DHRS4L2: variants seen among roughly 807,000 people sequenced by gnomAD.
DHRS4L2 encodes the protein dehydrogenase/reductase SDR family member 4-like 2.
In DHRS4L2, 22 loss-of-function variants were observed where a neutral mutation model predicts 23.9. The ratio of observed to expected loss-of-function variants is 0.92; its 90% CI spans 0.66 to 1.31. The LOEUF is 1.31. Among genes scored for constraint, DHRS4L2 ranks in the 40% most tolerant of loss-of-function variants. The probability of loss-of-function intolerance (pLI) is 0.00; values close to 1 mark genes in which losing one functional copy is unlikely to be tolerated. For missense variants in DHRS4L2, 385 were observed against 303.3 expected, an observed-to-expected ratio of 1.27 and a Z score of -2.00; for synonymous variants, 141 against 123.7, an observed-to-expected ratio of 1.14 and a Z score of -0.93.
intron 1 of DHRS4L2, among the ~76,000 whole-genome samples, chr14:23,974,592 A>G (rs1169855743): frequency 6.6e-6 from 1 of 151,822 alleles, no homozygotes; most frequent in Non-Finnish European, 1.5e-5. Context: ...ACAGAAATAC[A>G]CACTACCATC....
upstream of DHRS4L2, among the ~76,000 whole-genome samples, chr14:23,986,295 G>A (rs540032390): frequency 6.6e-6 from 1 of 151,344 alleles, no homozygotes; most frequent in South Asian, 2.1e-4. Context: ...ACTCATAGGT[G>A]GGAATTGAAC....
At chr14:23,995,550 T>C (rs986655865) in intron 3 of DHRS4L2, among the ~76,000 whole-genome samples, 3 of 151,748 alleles carry the variant, frequency 2.0e-5, no homozygotes, top group Non-Finnish European at 4.4e-5. Flanking sequence ...TGCTGCTAGT[T>C]ATTTAAAATA....
chr14:24,002,137 C>T (rs1170339858), intron 6 of DHRS4L2, among the ~76,000 whole-genome samples: 21 of 98,480 alleles, frequency 2.1e-4, no homozygotes, highest in South Asian at 1.2e-3. Flanking sequence ...CCCACTCCCC[C>T]GACCCCACCA....
At chr14:23,986,289 A>G (rs947193164), upstream of DHRS4L2, among the ~76,000 whole-genome samples, 2 of 151,174 alleles carry the variant, frequency 1.3e-5, no homozygotes, top group African/African-American at 4.9e-5. Flanking sequence ...GTTCTCACTC[A>G]TAGGTGGGAA....
rs1315647739 is a variant in DHRS4L2, at chr14:23,990,330, G to A, written c.277G>A (p.Ala93Thr). ...GGGCACTGTGTGCCATGTGGGGAAG[G>A]CGGAGGACCGGGAGCGGCTGGTGGC... ...VTGTVCHVGK[A>T]EDRERLVAMA... Residue 93 changes from alanine to threonine, a missense_variant, in exon 2 of 8, where the codon GCG becomes ACG. Transcript: ENST00000335125. 12 of 1,611,892 alleles carry A rather than the reference G, an allele frequency of 7.4e-6. No individual in the cohort carries two copies. Among genetic ancestry groups the A allele is most frequent in the Non-Finnish European group, 1.0e-5 (12 of 1,178,946 alleles).
intron 1 of DHRS4L2, among the ~76,000 whole-genome samples, chr14:23,973,064 T>C (rs10151167): frequency 0.52 from 78,989 of 151,590 alleles, 25,511 homozygotes; most frequent in African/African-American, 0.88. Flanking sequence ...TTAGTTCCCA[T>C]GGGCAGGCAG....
upstream of DHRS4L2, among the ~76,000 whole-genome samples, chr14:23,984,249 G>C (rs1028677): frequency 0.094 from 14,218 of 151,506 alleles, 967 homozygotes; most frequent in East Asian, 0.24. Context: ...CCATAGGGAA[G>C]AGTTACCTTT....
exon 1 of DHRS4L2, chr14:23,970,035 TGCTCCACAGCGGTGTGGGTGGCGGCG>T (rs2033814791): frequency 2.2e-6 from 1 of 456,222 alleles, no homozygotes; most frequent in Non-Finnish European, 4.4e-6. Flanking sequence ...CATGTGCGGC[TGCTCCACAGCGGTGTGGGTGGCGGCG>T]GCTCCTCTGC....
intron 1 of DHRS4L2, among the ~76,000 whole-genome samples, chr14:23,973,278 G>T (rs2033899774): frequency 6.6e-6 from 1 of 152,018 alleles, no homozygotes; most frequent in Admixed American, 6.5e-5. Context: ...GCTTTCTGCA[G>T]TGCATTGTGC....
chr14:23,986,507 TA>T (rs33932387), upstream of DHRS4L2, among the ~76,000 whole-genome samples: 46,177 of 133,510 alleles, frequency 0.35, 7,804 homozygotes, highest in East Asian at 0.5. Flanking sequence ...TAAAGTATAA[TA>T]AAAAAAAAAA....
At chr14:23,985,654 C>T (rs1049057605), upstream of DHRS4L2, among the ~76,000 whole-genome samples, 8 of 151,668 alleles carry the variant, frequency 5.3e-5, no homozygotes, top group Admixed American at 3.9e-4. Flanking sequence ...TTACAGTTCC[C>T]ATTTCAGAGA....
chr14:23,979,023 C>T (rs2034014277), intron 1 of DHRS4L2, among the ~76,000 whole-genome samples: 1 of 141,034 alleles, frequency 7.1e-6, no homozygotes, highest in Non-Finnish European at 1.5e-5. Flanking sequence ...AGAGTCAAGA[C>T]CCATCATTGT....
Position 24,004,317 on chromosome 14 carries a change from G to GATTTCCCT in DHRS4L2, c.666-19_666-12dup, listed in dbSNP as rs2034531436. On this transcript the variant is annotated intron_variant, in intron 6 of 7. Transcript: ENST00000335125. ...AGGAAAAGAAAAAAAAACATAAAGA[G>GATTTCCCT]ATTTCCCTTCTTCCTACAGCTCTGG... The GATTTCCCT allele has an allele frequency of 1.9e-6, 3 of 1,556,944 alleles. No homozygotes were observed. The highest frequency in any genetic ancestry group is 2.6e-6 in the Non-Finnish European group (3 of 1,156,488).
chr14:23,995,803 T>C (rs1332620700), intron 3 of DHRS4L2, among the ~76,000 whole-genome samples: 1 of 151,800 alleles, frequency 6.6e-6, no homozygotes, highest in Non-Finnish European at 1.5e-5. Context: ...TCTTTGTTTA[T>C]TAAGGTTAAT....
chr14:23,989,769 T>C lies in DHRS4L2; in HGVS notation c.129-413T>C, dbSNP rs778824816. On this transcript the variant is annotated intron_variant, in intron 1 of 7. Transcript: ENST00000335125. ...ATCTTTTCACATGCACCCCAAAAAA[T>C]AATTATGGAAAGAATTTTGAGAATG... Among the ~76,000 whole-genome samples, 44 of 151,870 alleles carry C rather than the reference T, an allele frequency of 2.9e-4. 4 individuals are homozygous for C. The highest frequency in any genetic ancestry group is 6.8e-3 in the Middle Eastern group (2 of 294).
chr14:23,988,850 G>GGGCA (rs1424294440), upstream of DHRS4L2: 3 of 1,491,476 alleles, frequency 2.0e-6, no homozygotes, highest in Non-Finnish European at 2.7e-6. Flanking sequence ...GGCGGGAAGG[G>GGGCA]GGCAGGCAGG....
Position 24,006,192 on chromosome 14 carries a change from G to A in DHRS4L2, c.*329G>A, listed in dbSNP as rs2034575699. ...ACTCGGGATTCCTGCTGTTGTTGTGGCCTTGGGTAAAGGCCTCCCCTGAGA... is the reference window on the plus strand; with the variant it reads ...ACTCGGGATTCCTGCTGTTGTTGTGACCTTGGGTAAAGGCCTCCCCTGAGA... On this transcript the variant is annotated 3_prime_UTR_variant, in exon 8 of 8. Coordinates refer to ENST00000335125, the MANE Select transcript of DHRS4L2 (RefSeq NM_198083.4). 3 of 1,229,838 alleles carry A rather than the reference G, an allele frequency of 2.4e-6. No homozygotes were observed. The allele number at this position is 1,229,838 out of a possible 1,614,324, so 76.2% of individuals were successfully genotyped here. A position where few individuals can be genotyped will look rare whatever the true frequency, so the allele number is the denominator to read the frequency against.
At chr14:23,988,887 C>CT, upstream of DHRS4L2, 1 of 1,590,774 alleles carries the variant, frequency 6.3e-7, no homozygotes. Flanking sequence ...CGTCCTGCCC[C>CT]TTCGCCCTAC....
chr14:23,988,936 C>T lies in DHRS4L2; in HGVS notation c.-12C>T. On this transcript the variant is annotated 5_prime_UTR_variant, in exon 1 of 8. Coordinates refer to ENST00000335125, the MANE Select transcript of DHRS4L2 (RefSeq NM_198083.4). ...CTGGAAGGAGTGGAACCCAGACTTG[C>T]TGGTCTGATCCATGCAGATGGCCAG... is the stretch of plus-strand genomic sequence containing the variant. The T allele has an allele frequency of 2.5e-6, 4 of 1,611,410 alleles. No individual in the cohort carries two copies. The highest frequency in any genetic ancestry group is 3.4e-6 in the Non-Finnish European group (4 of 1,178,762).
Sources: allele counts gnomAD v4.1 joint callset (sites outside exome capture counted in the v4.1 genomes callset), GRCh38; gene constraint gnomAD v4.1.1; transcripts MANE v1.5; gene names NCBI Gene and HGNC (gene_info 2026-07-23, HGNC 2026-07-21).